The following CFAP54 variants were observed in gnomAD, a reference collection of about 807,000 sequenced individuals.
CFAP54 encodes the protein cilia and flagella associated protein 54, also known as cilia- and flagella-associated protein 54.
In CFAP54, 290 loss-of-function variants were observed where a neutral mutation model predicts 370.4. The ratio of observed to expected loss-of-function variants is 0.78; its 90% CI spans 0.71 to 0.86. The LOEUF (loss-of-function observed/expected upper bound fraction) is 0.86. Among genes scored for constraint, CFAP54 ranks in the 40% least tolerant of loss-of-function variants. CFAP54 has a pLI of 0.00. For missense variants in CFAP54, 3,399 were observed against 3,528.7 expected (o/e 0.96, Z 0.93); for synonymous variants, 1,206 against 1,236.5 (o/e 0.98, Z 0.52).
intron 32 of CFAP54, among the ~76,000 whole-genome samples, chr12:96,641,161 T>G (rs1185468730): frequency 2.0e-5 from 3 of 151,714 alleles, no homozygotes; most frequent in Non-Finnish European, 4.4e-5. Flanking sequence ...TGGGAGAAAA[T>G]TTTTGCAATC....
At chr12:96,681,405 C>A (rs1957270219) in intron 40 of CFAP54, among the ~76,000 whole-genome samples, 1 of 149,404 alleles carries the variant, frequency 6.7e-6, no homozygotes, top group Non-Finnish European at 1.5e-5. Flanking sequence ...CCAGAACTAC[C>A]TGTGTGTTGC....
chr12:96,548,262 T>C (rs1293965464), intron 15 of CFAP54, among the ~76,000 whole-genome samples: 1 of 152,166 alleles, frequency 6.6e-6, no homozygotes, highest in Admixed American at 6.6e-5. Flanking sequence ...TACCCTCTCT[T>C]GATCACCTTG....
chr12:96,709,981 T>C lies in CFAP54; in HGVS notation c.6724+1178T>C, dbSNP rs377531146. 2.2e-4 allele frequency among the ~76,000 whole-genome samples: 34 copies of C among 152,244 alleles called. No homozygotes were observed. The East Asian group carries it at 3.5e-3, about 16-fold the overall frequency. On this transcript the variant is annotated intron_variant, in intron 48 of 67. Coordinates refer to ENST00000524981, the MANE Select transcript of CFAP54 (RefSeq NM_001306084.2). Reference sequence around the variant, plus strand: ...ATCTGCCTGCCTCTGCCTCCCAAAGTGCTGGGATTACAGATGTGAGCCACT... The same window carrying C: ...ATCTGCCTGCCTCTGCCTCCCAAAGCGCTGGGATTACAGATGTGAGCCACT...
At chr12:96,556,831 T>C (rs1435510735) in intron 17 of CFAP54, among the ~76,000 whole-genome samples, 1 of 152,112 alleles carries the variant, frequency 6.6e-6, no homozygotes, top group Non-Finnish European at 1.5e-5. Context: ...ATGTTGTCAC[T>C]TATAAGCGAG....
Position 96,623,860 on chromosome 12 carries a change from C to T in CFAP54, c.3865C>T (p.Leu1289=), listed in dbSNP as rs1956525783. The change falls in exon 28 of 68, where the codon CTA becomes TTA. Residue 1289 remains leucine, a synonymous_variant. Coordinates refer to ENST00000524981, the MANE Select transcript of CFAP54 (RefSeq NM_001306084.2). ...NEQLALLETH[L]LKLTKQYVTS... is the part of the protein sequence containing the mutation. ...ACAGCTGGCCTTGTTGGAGACACAC[C>T]TACTCAAACTGACAAAGCAATGTAA... 2 of 1,533,318 alleles carry T rather than the reference C, an allele frequency of 1.3e-6. No individual in the cohort carries two copies. Among genetic ancestry groups the T allele is most frequent in the East Asian group, 4.9e-5 (2 of 40,878 alleles). The allele number at this position is 1,533,318 out of a possible 1,614,324, so 95.0% of individuals were successfully genotyped here. A position where few individuals can be genotyped will look rare whatever the true frequency, so the allele number is the denominator to read the frequency against.
At chr12:96,775,176 T>C (rs1014927523) in intron 60 of CFAP54, among the ~76,000 whole-genome samples, 1 of 152,144 alleles carries the variant, frequency 6.6e-6, no homozygotes, top group Admixed American at 6.5e-5. Context: ...ACGCCTGTAA[T>C]CCTGACGCTT....
intron 67 of CFAP54, among the ~76,000 whole-genome samples, chr12:96,865,472 C>T (rs1172614278): frequency 6.6e-6 from 1 of 152,020 alleles, no homozygotes; most frequent in African/African-American, 2.4e-5. Context: ...TACATATATA[C>T]TAAAAATATT....
chr12:96,850,711 A>G (rs1959517306), intron 66 of CFAP54, among the ~76,000 whole-genome samples: 1 of 151,856 alleles, frequency 6.6e-6, no homozygotes, highest in Non-Finnish European at 1.5e-5. Flanking sequence ...GGTTTAATTG[A>G]CTCACAGTTC....
intron 32 of CFAP54, among the ~76,000 whole-genome samples, chr12:96,636,935 C>A (rs2136482601): frequency 6.6e-6 from 1 of 152,260 alleles, no homozygotes; most frequent in East Asian, 1.9e-4. Context: ...ACCCCAGTGA[C>A]ATACTTCAGT....
At chr12:96,564,943 C>A in intron 19 of CFAP54, 178 bp downstream of exon 19, 1 of 354,292 alleles carries the variant, frequency 2.8e-6, no homozygotes, top group Non-Finnish European at 5.0e-6. Flanking sequence ...GTTCTGAATT[C>A]TGAAATGAGA....
intron 66 of CFAP54, among the ~76,000 whole-genome samples, chr12:96,852,344 A>G (rs750601789): frequency 6.6e-5 from 10 of 152,112 alleles, no homozygotes; most frequent in South Asian, 4.1e-4. Flanking sequence ...CTCTTCATCT[A>G]TCTGGACTCT....
chr12:96,614,356 A>G (rs2136458125), intron 26 of CFAP54, among the ~76,000 whole-genome samples: 1 of 152,360 alleles, frequency 6.6e-6, no homozygotes, highest in East Asian at 1.9e-4. Flanking sequence ...TATTGATGGG[A>G]CATATCTCAA....
intron 50 of CFAP54, among the ~76,000 whole-genome samples, chr12:96,730,008 T>C (rs1957902066): frequency 6.6e-6 from 1 of 152,072 alleles, no homozygotes; most frequent in African/African-American, 2.4e-5. Flanking sequence ...CACAGTCGAG[T>C]AGGAGCCCGG....
intron 55 of CFAP54, among the ~76,000 whole-genome samples, chr12:96,750,789 AC>A (rs1162118676): frequency 6.6e-6 from 1 of 152,252 alleles, no homozygotes; most frequent in Non-Finnish European, 1.5e-5. Context: ...TTAAGGCTGA[AC>A]AGCTTGCTTC....
intron 32 of CFAP54, among the ~76,000 whole-genome samples, chr12:96,638,204 CAT>C (rs1491543719): frequency 1.7e-3 from 120 of 71,998 alleles, no homozygotes; most frequent in Non-Finnish European, 2.0e-3. Flanking sequence ...TATATATATG[CAT>C]GTGTGTGTGT....
chr12:96,863,231 A>T (rs1312060421), intron 67 of CFAP54, among the ~76,000 whole-genome samples: 1 of 151,966 alleles, frequency 6.6e-6, no homozygotes, highest in African/African-American at 2.4e-5. Context: ...ATGGAGTTCT[A>T]AAAAAAGGAG....
In CFAP54 at chr12:96,728,084, A is replaced by G. The variant is rs1165812339; in HGVS notation, c.6965+7519A>G. 2.0e-5 allele frequency among the ~76,000 whole-genome samples: 3 copies of G among 152,134 alleles called. No individual in the cohort carries two copies. The East Asian group carries it at 5.8e-4, about 29-fold the overall frequency. ...TGGGCTTCCCTTTGTGGGTAACCCA[A>G]CCTTTCTCTCTGGCTGCCCTTAACA... On this transcript the variant is annotated intron_variant, in intron 50 of 67. Transcript: ENST00000524981.
rs968264901 is a variant in CFAP54, at chr12:96,757,529, T to A, written c.7981T>A (p.Leu2661Met). 1.3e-6 allele frequency: 2 copies of A among 1,598,858 alleles called. No individual in the cohort carries two copies. Among genetic ancestry groups the A allele is most frequent in the African/African-American group, 1.3e-5 (1 of 74,834 alleles). The change falls in exon 58 of 68, where the codon TTG (leucine) becomes ATG (methionine). Residue 2661 changes from leucine (L) to methionine (M), a missense_variant. Coordinates refer to ENST00000524981, the MANE Select transcript of CFAP54 (RefSeq NM_001306084.2). Reference sequence around the variant, plus strand: ...AGACTCCTACCTAGAAATGGCTCTATTGTATTTTCATCTGAAGAAGCCAAA... The same window carrying A: ...AGACTCCTACCTAGAAATGGCTCTAATGTATTTTCATCTGAAGAAGCCAAA... ...IRDSYLEMALLYFHLKKPKIK... is the reference protein window; with the variant it reads ...IRDSYLEMALMYFHLKKPKIK...
intron 63 of CFAP54, among the ~76,000 whole-genome samples, chr12:96,810,186 G>C (rs1030112679): frequency 1.3e-5 from 2 of 151,916 alleles, no homozygotes; most frequent in Non-Finnish European, 2.9e-5. Flanking sequence ...TGAGCTTCTC[G>C]GTGTTCTCAG....
Sources: gnomAD v4.1 joint callset for allele counts (sites outside exome capture counted in the v4.1 genomes callset) on GRCh38, gnomAD v4.1.1 for gene constraint, MANE v1.5 for transcripts, NCBI Gene and HGNC (gene_info 2026-07-23, HGNC 2026-07-21) for gene names.